VXN: variants seen among roughly 807,000 people sequenced by gnomAD.
VXN encodes uncharacterized protein C8orf46.
A neutral mutation model predicts 23.1 loss-of-function variants in VXN; 7 were observed. That is an observed-to-expected ratio of 0.30 (90% CI 0.17 to 0.57). VXN has a LOEUF of 0.57. Among genes scored for constraint, VXN ranks in the 20% least tolerant of loss-of-function variants. The pLI is 0.91. For synonymous variants in VXN, 120 were observed against 105.8 expected (o/e 1.13, Z -0.83); for missense variants, 238 against 272.6 (o/e 0.87, Z 0.89).
rs140458012 is a variant in VXN at position 66,511,217 on chromosome 8, G to A, written c.342+1060G>A. On this transcript the variant is annotated intron_variant, in intron 4 of 5. Transcript: ENST00000305454. ...TCCCTCATCTCTGGGCAGGAATGTCGGGTTCCCTCTTGGTTAGCAGAGTCA... is the reference window on the plus strand; with the variant it reads ...TCCCTCATCTCTGGGCAGGAATGTCAGGTTCCCTCTTGGTTAGCAGAGTCA... 2.8e-3 allele frequency among the ~76,000 whole-genome samples: 431 copies of A among 152,260 alleles called. 3 individuals carry two copies. Among genetic ancestry groups the A allele is most frequent in the African/African-American group, 9.9e-3 (413 of 41,534 alleles).
intron 3 of VXN, 62 bp from the exon 4 acceptor site, chr8:66,510,034 G>A: frequency 1.3e-5 from 19 of 1,455,396 alleles, no homozygotes; most frequent in Non-Finnish European, 1.8e-5. Context: ...ATTGATGCAG[G>A]GCCAGTGGGA....
At chr8:66,506,880 C>CGA (rs1234990634) in intron 3 of VXN, among the ~76,000 whole-genome samples, 1 of 110,602 alleles carries the variant, frequency 9.0e-6, no homozygotes, top group Non-Finnish European at 1.6e-5. Flanking sequence ...CAAATTAAGA[C>CGA]GAGATAGATT....
intron 3 of VXN, 127 bp from the exon 4 acceptor site, chr8:66,509,969 C>A: frequency 1.2e-6 from 1 of 860,012 alleles, no homozygotes; most frequent in Non-Finnish European, 1.9e-6. Flanking sequence ...GGTTTTGCTG[C>A]TTGGTACAAA....
intron 3 of VXN, among the ~76,000 whole-genome samples, chr8:66,509,336 G>A (rs1030379248): frequency 2.0e-5 from 3 of 152,118 alleles, no homozygotes; most frequent in African/African-American, 7.2e-5. Flanking sequence ...ATCCTTAGAA[G>A]CTTCAGAGTA....
chr8:66,510,783 C>T (rs538495385), intron 4 of VXN, among the ~76,000 whole-genome samples: 10 of 152,224 alleles, frequency 6.6e-5, no homozygotes, highest in Admixed American at 1.3e-4. Context: ...AGGGAGATAC[C>T]TGGCATCTCT....
At chr8:66,506,288 C>T (rs1306991176) in intron 3 of VXN, among the ~76,000 whole-genome samples, 1 of 144,610 alleles carries the variant, frequency 6.9e-6, no homozygotes, top group Non-Finnish European at 1.5e-5. Context: ...TGTACAGGCT[C>T]TTCATAAACT....
intron 5 of VXN, among the ~76,000 whole-genome samples, chr8:66,515,510 G>A (rs1270186258): frequency 6.6e-6 from 1 of 152,210 alleles, no homozygotes; most frequent in Non-Finnish European, 1.5e-5. Flanking sequence ...TGGGAAGCAG[G>A]ATTCCATCCC....
Position 66,505,431 on chromosome 8 carries a change from C to G in VXN, c.183C>G (p.Arg61=). The stretch of plus-strand genomic sequence containing the variant: ...AGCCCCTGGAGCTGCTGCCCCACCG[C>G]GGAGACCGCAGGGACCCTGGCGACC... The part of the protein sequence containing the change: ...THQPLELLPH[R]GDRRDPGDRR... Residue 61 remains arginine, a synonymous_variant, in exon 3 of 6, where the codon CGC becomes CGG. Coordinates refer to ENST00000305454, the MANE Select transcript of VXN (RefSeq NM_152765.4). 2 of 1,579,064 alleles carry G rather than the reference C, an allele frequency of 1.3e-6. No homozygotes were observed. The highest frequency in any genetic ancestry group is 1.7e-6 in the Non-Finnish European group (2 of 1,163,158).
chr8:66,517,926 G>C lies in VXN; in HGVS notation c.*1850G>C, dbSNP rs1309889789. ...ATATCTCCAGGTGAATCCATGAGAA[G>C]CGAGAGGGTGGCTGAGAGGCCTGGG... On this transcript the variant is annotated 3_prime_UTR_variant, in exon 6 of 6. Coordinates refer to ENST00000305454, the MANE Select transcript of VXN (RefSeq NM_152765.4). The C allele has an allele frequency of 2.0e-5, 3 of 152,264 alleles. No homozygotes were observed. Among genetic ancestry groups the C allele is most frequent in the Non-Finnish European group, 4.4e-5 (3 of 68,060 alleles). 9.4% of individuals were successfully genotyped at this position (152,264 alleles called of 1,614,324 possible).
chr8:66,505,248 TGGAATCACG>T, intron 2 of VXN, 118 bp from the exon 3 acceptor site: 1 of 1,281,068 alleles, frequency 7.8e-7, no homozygotes, highest in Non-Finnish European at 1.1e-6. Flanking sequence ...TAGAATTCAC[TGGAATCACG>T]AAGGATCCAG....
At chr8:66,512,083 A>T (rs1358072220) in intron 4 of VXN, among the ~76,000 whole-genome samples, 1 of 150,654 alleles carries the variant, frequency 6.6e-6, no homozygotes, top group East Asian at 2.0e-4. Context: ...AAAAAAAAAA[A>T]GAATGAAGAG....
intron 3 of VXN, 63 bp from the exon 4 acceptor site, chr8:66,510,033 G>C (rs1807803835): frequency 2.8e-6 from 4 of 1,452,414 alleles, no homozygotes; most frequent in Non-Finnish European, 3.9e-6. Context: ...AATTGATGCA[G>C]GGCCAGTGGG....
chr8:66,498,957 C>A (rs1807657801), intron 2 of VXN: 1 of 326,550 alleles, frequency 3.1e-6, no homozygotes, highest in Non-Finnish European at 6.3e-6. Flanking sequence ...GGGTTTAAAT[C>A]CCAGTTCTAT....
At chr8:66,510,575 T>C (rs58474060) in intron 4 of VXN, among the ~76,000 whole-genome samples, 4,316 of 152,238 alleles carry the variant, frequency 0.028, 226 homozygotes, top group African/African-American at 0.098. Flanking sequence ...ACCAGTGTCT[T>C]AGTTAGCACA....
chr8:66,500,934 C>T (rs559608990), intron 2 of VXN, among the ~76,000 whole-genome samples: 41 of 142,792 alleles, frequency 2.9e-4, no homozygotes, highest in Middle Eastern at 7.6e-3. Context: ...AGTGCCATGG[C>T]GTGATCTCAG....
intron 5 of VXN, 117 bp downstream of exon 5, chr8:66,513,754 C>T: frequency 2.8e-6 from 2 of 710,232 alleles, no homozygotes; most frequent in Non-Finnish European, 2.4e-6. Context: ...AACACAAACC[C>T]ATGCCAGCTG....
intron 2 of VXN, among the ~76,000 whole-genome samples, chr8:66,497,404 T>C (rs1201378408): frequency 1.3e-5 from 2 of 152,200 alleles, no homozygotes; most frequent in Admixed American, 6.5e-5. Context: ...TCTGAACAAT[T>C]TGGGGGCTTC....
At chr8:66,500,277 A>G (rs1807676170) in intron 2 of VXN, among the ~76,000 whole-genome samples, 1 of 152,254 alleles carries the variant, frequency 6.6e-6, no homozygotes, top group South Asian at 2.1e-4. Flanking sequence ...CATTGAAACA[A>G]TTTTATAGCC....
chr8:66,503,270 C>T (rs1807711360), intron 2 of VXN: 1 of 152,252 alleles, frequency 6.6e-6, no homozygotes, highest in African/African-American at 2.4e-5. Context: ...CATGGCCTCT[C>T]TTGGCCTCAG....
Sources: gnomAD v4.1 joint callset for allele counts (sites outside exome capture counted in the v4.1 genomes callset) on GRCh38, gnomAD v4.1.1 for gene constraint, MANE v1.5 for transcripts, NCBI Gene and HGNC (gene_info 2026-07-23, HGNC 2026-07-21) for gene names.